TOPAZ1: variants seen among roughly 807,000 people sequenced by gnomAD.
TOPAZ1 encodes the protein protein TOPAZ1.
In TOPAZ1, 66 loss-of-function variants were observed where a neutral mutation model predicts 172.2. That is an observed-to-expected ratio of 0.38 (90% confidence interval 0.31 to 0.47). TOPAZ1 has a LOEUF of 0.47. Among genes scored for constraint, TOPAZ1 ranks in the 20% least tolerant of loss-of-function variants. The pLI is 0.99. For missense variants in TOPAZ1, 1,822 were observed against 1,972.4 expected (o/e 0.92, Z 1.44); for synonymous variants, 681 against 683.9 (o/e 1.00, Z 0.07).
rs1019511215 is a variant in TOPAZ1, at chr3:44,241,939, C to A, written c.-115C>A. 2.1e-6 allele frequency: 2 copies of A among 956,814 alleles called. No homozygotes were observed. Among genetic ancestry groups the A allele is most frequent in the East Asian group, 2.8e-5 (1 of 35,672 alleles). 59.3% of individuals were successfully genotyped at this position (956,814 alleles called of 1,614,324 possible). ...TCCGGCCCCGGGCTGTGGTGACTGG[C>A]GGTGTGGGGTGGGTCAGAGGGCAGT... On this transcript the variant is annotated 5_prime_UTR_variant, in exon 1 of 20. Transcript: ENST00000309765.
intron 2 of TOPAZ1, among the ~76,000 whole-genome samples, chr3:44,251,065 C>G (rs1699624286): frequency 6.6e-6 from 1 of 152,114 alleles, no homozygotes; most frequent in Non-Finnish European, 1.5e-5. Flanking sequence ...TAAATGAGTA[C>G]TGACCACAAT....
intron 16 of TOPAZ1, among the ~76,000 whole-genome samples, chr3:44,319,686 A>G (rs1158298808): frequency 2.6e-5 from 4 of 152,224 alleles, no homozygotes; most frequent in Non-Finnish European, 4.4e-5. Flanking sequence ...TGTCTAAATG[A>G]GTTAATATTC....
intron 2 of TOPAZ1, among the ~76,000 whole-genome samples, chr3:44,247,053 G>C (rs1379623021): frequency 6.6e-6 from 1 of 152,046 alleles, no homozygotes; most frequent in Non-Finnish European, 1.5e-5. Context: ...AAAGAATAAT[G>C]GCTGATTTTA....
rs548099316 is a variant in TOPAZ1 at position 44,281,329 on chromosome 3, C to T, written c.3373-639C>T. ...CAGGTCTTCAGGCATTTAATACCCA[C>T]TGCAATGCTATGGTAGTCAGAAACC... is the stretch of plus-strand genomic sequence containing the variant. On this transcript the variant is annotated intron_variant, in intron 8 of 19. Transcript: ENST00000309765. Among the ~76,000 whole-genome samples, 104 of 152,324 alleles carry T rather than the reference C, an allele frequency of 6.8e-4. 2 individuals are homozygous for T. In the South Asian group the frequency reaches 0.021, roughly 30 times the overall value.
chr3:44,259,825 A>G (rs939352982), intron 4 of TOPAZ1, among the ~76,000 whole-genome samples: 1 of 152,194 alleles, frequency 6.6e-6, no homozygotes, highest in Admixed American at 6.5e-5. Flanking sequence ...GAGTCTAGTT[A>G]AACATCTTTA....
At chr3:44,291,824 A>G (rs1700141619) in intron 12 of TOPAZ1, among the ~76,000 whole-genome samples, 1 of 152,188 alleles carries the variant, frequency 6.6e-6, no homozygotes, top group Non-Finnish European at 1.5e-5. Flanking sequence ...AATCCTTCAG[A>G]ATGCCCAGAA....
intron 9 of TOPAZ1, among the ~76,000 whole-genome samples, chr3:44,282,964 A>G (rs1437057509): frequency 6.6e-6 from 1 of 152,146 alleles, no homozygotes; most frequent in African/African-American, 2.4e-5. Context: ...AGGGATTTTG[A>G]TAGCCAAGGA....
At chr3:44,270,109 G>C (rs931162927) in intron 7 of TOPAZ1, among the ~76,000 whole-genome samples, 1 of 152,180 alleles carries the variant, frequency 6.6e-6, no homozygotes, top group Non-Finnish European at 1.5e-5. Flanking sequence ...GAAAGAGAAA[G>C]CTGCTGATAT....
In TOPAZ1 at chr3:44,269,196, C is replaced by G; in HGVS notation, c.3161-20C>G. 1 of 1,365,480 alleles carries G rather than the reference C, an allele frequency of 7.3e-7. No individual in the cohort carries two copies. The highest frequency in any genetic ancestry group is 1.4e-5 in the African/African-American group (1 of 69,398). 84.6% of individuals were successfully genotyped at this position (1,365,480 alleles called of 1,614,324 possible). On this transcript the variant is annotated intron_variant, in intron 6 of 19. Transcript: ENST00000309765. ...AGTTGTAACATATTGGTGTGTAATG[C>G]CACTCTAAATCATTTCTAGATTTCA...
chr3:44,242,245 A>G lies in TOPAZ1; in HGVS notation c.192A>G (p.Glu64=). The G allele has an allele frequency of 1.3e-6, 2 of 1,547,624 alleles. No individual in the cohort carries two copies. Among genetic ancestry groups the G allele is most frequent in the Non-Finnish European group, 1.7e-6 (2 of 1,145,770 alleles). Residue 64 remains glutamate, a synonymous_variant, in exon 1 of 20, where the codon GAA becomes GAG. Coordinates refer to ENST00000309765, the MANE Select transcript of TOPAZ1 (RefSeq NM_001145030.2). The part of the protein sequence containing the change: ...ARATPGRGEV[E]SDKSVAASGA... ...CCACCCCTGGGAGAGGCGAGGTGGA[A>G]AGTGATAAGTCGGTTGCAGCATCAG...
intron 15 of TOPAZ1, among the ~76,000 whole-genome samples, chr3:44,308,772 A>G (rs2171574): frequency 0.87 from 132,432 of 152,208 alleles, 57,935 homozygotes; most frequent in African/African-American, 0.96. Flanking sequence ...ATTTTATTAC[A>G]TAGTATGAAT....
downstream of TOPAZ1, among the ~76,000 whole-genome samples, chr3:44,333,756 G>A (rs757238779): frequency 2.6e-5 from 4 of 152,090 alleles, no homozygotes; most frequent in Non-Finnish European, 5.9e-5. Context: ...TCAAAGCCCC[G>A]ACAACAAAAA....
chr3:44,260,125 G>A (rs1385459269), intron 4 of TOPAZ1, among the ~76,000 whole-genome samples: 1 of 152,132 alleles, frequency 6.6e-6, no homozygotes, highest in African/African-American at 2.4e-5. Flanking sequence ...CCTTCACCTT[G>A]TGTAAGTTTC....
At chr3:44,296,847 C>CAAAAAAAAAAAAAAAAAAAAAA (rs141080618) in intron 12 of TOPAZ1, among the ~76,000 whole-genome samples, 2 of 104,776 alleles carry the variant, frequency 1.9e-5, no homozygotes, top group African/African-American at 3.8e-5. Flanking sequence ...CAGAGAATAC[C>CAAAAAAAAAAAAAAAAAAAAAA]AAAAAAAAAA....
chr3:44,272,974 C>A (rs915948488), intron 8 of TOPAZ1, among the ~76,000 whole-genome samples: 8 of 152,118 alleles, frequency 5.3e-5, no homozygotes, highest in Admixed American at 3.3e-4. Context: ...AATATTTCTC[C>A]CAACCTATAG....
chr3:44,301,436 T>C (rs1029892529), intron 12 of TOPAZ1, among the ~76,000 whole-genome samples: 3 of 152,212 alleles, frequency 2.0e-5, no homozygotes, highest in African/African-American at 7.2e-5. Context: ...ATATAACTTT[T>C]GTTAGGTATT....
intron 12 of TOPAZ1, among the ~76,000 whole-genome samples, chr3:44,301,839 A>T (rs1700275409): frequency 6.6e-6 from 1 of 152,106 alleles, no homozygotes; most frequent in African/African-American, 2.4e-5. Context: ...GTTTTTTACC[A>T]TGCAAAAAGT....
intron 2 of TOPAZ1, among the ~76,000 whole-genome samples, chr3:44,246,963 G>A (rs1173681275): frequency 6.6e-6 from 1 of 152,202 alleles, no homozygotes; most frequent in East Asian, 1.9e-4. Context: ...ACAAGATGTT[G>A]ACAGTGAGCT....
downstream of TOPAZ1, among the ~76,000 whole-genome samples, chr3:44,332,713 A>G (rs1490814663): frequency 6.6e-6 from 1 of 152,152 alleles, no homozygotes; most frequent in Non-Finnish European, 1.5e-5. Flanking sequence ...CTCATCTTTG[A>G]TACTTTAAAC....
Sources: allele counts gnomAD v4.1 joint callset (sites outside exome capture counted in the v4.1 genomes callset), GRCh38; gene constraint gnomAD v4.1.1; transcripts MANE v1.5; gene names NCBI Gene and HGNC (gene_info 2026-07-23, HGNC 2026-07-21).